GALNT17: variants seen among roughly 807,000 people sequenced by gnomAD.
GALNT17 encodes polypeptide N-acetylgalactosaminyltransferase 17.
A neutral mutation model predicts 63.7 loss-of-function variants in GALNT17; 29 were observed. The ratio of observed to expected loss-of-function variants is 0.46; its 90% CI spans 0.34 to 0.62. The LOEUF is 0.62. GALNT17 is among the 20% of genes least tolerant of loss of function. GALNT17 has a pLI of 0.01. For missense variants in GALNT17, 603 were observed against 799.6 expected, an observed-to-expected ratio of 0.75 and a Z score of 2.97; for synonymous variants, 305 against 318.3, an observed-to-expected ratio of 0.96 and a Z score of 0.45.
intron 2 of GALNT17, among the ~76,000 whole-genome samples, chr7:71,377,104 AAATAAAAAAAATATATAT>A (rs1244295078): frequency 5.3e-5 from 3 of 56,290 alleles, no homozygotes; most frequent in Admixed American, 1.9e-4. Flanking sequence ...AAAAAAATAA[AAATAAAAAAAATATATAT>A]ATATATATAT....
chr7:71,154,876 A>T (rs1788205490), intron 1 of GALNT17, among the ~76,000 whole-genome samples: 1 of 151,810 alleles, frequency 6.6e-6, no homozygotes, highest in Non-Finnish European at 1.5e-5. Flanking sequence ...GCGCCCGGCC[A>T]CAATAGCTAA....
At chr7:71,494,040 T>C (rs771611867) in intron 5 of GALNT17, among the ~76,000 whole-genome samples, 1 of 151,980 alleles carries the variant, frequency 6.6e-6, no homozygotes, top group Non-Finnish European at 1.5e-5. Context: ...CGAGACTGGG[T>C]AACTTGCAAA....
At chr7:71,427,811 T>C (rs1024019560) in intron 5 of GALNT17, among the ~76,000 whole-genome samples, 3 of 151,728 alleles carry the variant, frequency 2.0e-5, no homozygotes, top group Admixed American at 6.6e-5. Flanking sequence ...GAGCTCGGCT[T>C]CTCATCAGAT....
intron 5 of GALNT17, among the ~76,000 whole-genome samples, chr7:71,522,914 G>C (rs1788554459): frequency 2.6e-5 from 4 of 152,166 alleles, no homozygotes; most frequent in Admixed American, 2.6e-4. Flanking sequence ...TCTTAGAAAT[G>C]CAGATTCTTA....
chr7:71,482,376 C>G (rs1354605791), intron 5 of GALNT17, among the ~76,000 whole-genome samples: 1 of 152,144 alleles, frequency 6.6e-6, no homozygotes. Context: ...CCTCCAACGC[C>G]TGACCTCATG....
intron 6 of GALNT17, among the ~76,000 whole-genome samples, chr7:71,600,002 A>G (rs1015607303): frequency 6.6e-6 from 1 of 151,868 alleles, no homozygotes; most frequent in Non-Finnish European, 1.5e-5. Flanking sequence ...ATCTTCAGAC[A>G]TGGACAAATA....
intron 5 of GALNT17, among the ~76,000 whole-genome samples, chr7:71,459,201 A>G (rs186806090): frequency 5.9e-5 from 9 of 152,170 alleles, no homozygotes; most frequent in African/African-American, 2.2e-4. Context: ...GTTCAGAATG[A>G]CTCTGGGGCT....
chr7:71,621,329 A>C (rs1431133569), intron 6 of GALNT17, among the ~76,000 whole-genome samples: 2 of 152,128 alleles, frequency 1.3e-5, no homozygotes, highest in East Asian at 1.9e-4. Context: ...GTCTTGGATC[A>C]CAAGCTCTCT....
chr7:71,357,954 C>T (rs1792319008), intron 2 of GALNT17, among the ~76,000 whole-genome samples: 1 of 152,142 alleles, frequency 6.6e-6, no homozygotes, highest in Admixed American at 6.6e-5. Context: ...AAAGGGCACT[C>T]TGATTGGACA....
chr7:71,436,123 C>T (rs1463710428), intron 5 of GALNT17, among the ~76,000 whole-genome samples: 3 of 151,920 alleles, frequency 2.0e-5, no homozygotes, highest in East Asian at 1.9e-4. Flanking sequence ...GGCTCTGGTG[C>T]GAATTACTCT....
At chr7:71,393,950 C>G (rs976826045) in intron 3 of GALNT17, among the ~76,000 whole-genome samples, 2 of 152,140 alleles carry the variant, frequency 1.3e-5, no homozygotes, top group Non-Finnish European at 2.9e-5. Context: ...TGGGGTGTAT[C>G]GCTCCTCCTG....
intron 2 of GALNT17, among the ~76,000 whole-genome samples, chr7:71,353,734 A>G (rs1216121567): frequency 2.0e-5 from 3 of 152,236 alleles, no homozygotes; most frequent in Non-Finnish European, 2.9e-5. Context: ...ATGTAGTGAC[A>G]TAGAAGCCAC....
intron 5 of GALNT17, among the ~76,000 whole-genome samples, chr7:71,447,320 A>G (rs1787179052): frequency 1.3e-5 from 2 of 152,184 alleles, no homozygotes; most frequent in South Asian, 4.1e-4. Flanking sequence ...AGCTCAAGAA[A>G]ACACTGCGTA....
intron 6 of GALNT17, among the ~76,000 whole-genome samples, chr7:71,574,752 G>A (rs535027184): frequency 5.1e-4 from 77 of 152,278 alleles, no homozygotes; most frequent in Non-Finnish European, 8.7e-4. Context: ...GAGTGGCAGG[G>A]AGTCCAGCTC....
In GALNT17 at chr7:71,133,032, A is replaced by T; in HGVS notation, c.230A>T (p.Gln77Leu). ...CTGCTGGAGGACATCGTGTACCGGCAGCTGAATGGTAAGGACGCACGCCGG... is the reference window on the plus strand; with the variant it reads ...CTGCTGGAGGACATCGTGTACCGGCTGCTGAATGGTAAGGACGCACGCCGG... ...LSLLEDIVYR[Q>L]LNGLSKSLGL... is the part of the protein sequence containing the mutation. The change falls in exon 1 of 11, where the codon CAG becomes CTG. Residue 77 changes from glutamine (Q) to leucine (L), a missense_variant. This residue lies in a region of GALNT17 where 195 missense variants were observed against 215.0 expected (regional missense o/e 0.91). Coordinates refer to ENST00000333538, the MANE Select transcript of GALNT17 (RefSeq NM_022479.3). The T allele has an allele frequency of 1.3e-6, 2 of 1,578,806 alleles. No individual in the cohort carries two copies. The highest frequency in any genetic ancestry group is 1.7e-6 in the Non-Finnish European group (2 of 1,163,476).
At chr7:71,200,000 G>C (rs1234954665) in intron 1 of GALNT17, among the ~76,000 whole-genome samples, 2 of 152,092 alleles carry the variant, frequency 1.3e-5, no homozygotes, top group African/African-American at 4.8e-5. Context: ...GATTAATATT[G>C]ACCTTTCTTG....
chr7:71,244,176 C>T (rs781282889), intron 1 of GALNT17, among the ~76,000 whole-genome samples: 1 of 152,176 alleles, frequency 6.6e-6, no homozygotes, highest in Non-Finnish European at 1.5e-5. Flanking sequence ...CCAGATCCTG[C>T]CTGGCTGCAC....
At chr7:71,459,764 C>T (rs1347663899) in intron 5 of GALNT17, among the ~76,000 whole-genome samples, 2 of 152,144 alleles carry the variant, frequency 1.3e-5, no homozygotes, top group East Asian at 3.9e-4. Flanking sequence ...CCCTCCCTAT[C>T]CTGAAGAGAT....
At chr7:71,322,619 C>T (rs1317968) in intron 1 of GALNT17, among the ~76,000 whole-genome samples, 2,301 of 152,194 alleles carry the variant, frequency 0.015, 59 homozygotes, top group African/African-American at 0.051. Flanking sequence ...TTTTGTCCCC[C>T]GCTGAAATTC....
Sources: gnomAD v4.1 joint callset for allele counts (sites outside exome capture counted in the v4.1 genomes callset) on GRCh38, gnomAD v4.1.1 for gene constraint, gnomAD v4.1.1 regional missense constraint, MANE v1.5 for transcripts, NCBI Gene and HGNC (gene_info 2026-07-23, HGNC 2026-07-21) for gene names.